IRGM: variants seen among roughly 807,000 people sequenced by gnomAD.
IRGM encodes the protein immunity-related GTPase family M protein.
For missense variants in IRGM, 288 were observed against 219.9 expected, an observed-to-expected ratio of 1.31 and a Z score of -1.96; for synonymous variants, 98 against 80.6, an observed-to-expected ratio of 1.22 and a Z score of -1.16.
chr5:150,854,380 C>T (rs1754018953), intron 1 of IRGM, among the ~76,000 whole-genome samples: 1 of 151,890 alleles, frequency 6.6e-6, no homozygotes, highest in South Asian at 2.1e-4. Flanking sequence ...TTATAATGTC[C>T]ATGTATTTGC....
intron 3 of IRGM, among the ~76,000 whole-genome samples, chr5:150,880,756 G>A (rs1754432934): frequency 6.6e-6 from 1 of 152,138 alleles, no homozygotes; most frequent in East Asian, 1.9e-4. Context: ...GTACCTCATG[G>A]AAGTTAATCA....
At chr5:150,851,072 G>GA (rs1753967911), downstream of IRGM, among the ~76,000 whole-genome samples, 2 of 152,190 alleles carry the variant, frequency 1.3e-5, no homozygotes, top group African/African-American at 4.8e-5. Flanking sequence ...ACTTGGACTG[G>GA]AAAAGAAGGA....
At chr5:150,898,023 CCAAT>C (rs775818117) in intron 3 of IRGM, 24 of 1,594,126 alleles carry the variant, frequency 1.5e-5, no homozygotes, top group Non-Finnish European at 2.0e-5. Context: ...ACCTCAGGCA[CCAAT>C]CAATTAAAAA....
chr5:150,872,762 A>G (rs1163125201), intron 1 of IRGM, among the ~76,000 whole-genome samples: 1 of 152,162 alleles, frequency 6.6e-6, no homozygotes, highest in East Asian at 1.9e-4. Context: ...ACTGTGGGTG[A>G]GCTGGAAATG....
chr5:150,870,888 T>A (rs907146777), intron 1 of IRGM, among the ~76,000 whole-genome samples: 1 of 152,064 alleles, frequency 6.6e-6, no homozygotes. Flanking sequence ...TGTTTCCCAT[T>A]GGGTTTGACC....
At chr5:150,890,641 T>C (rs1754595283) in intron 3 of IRGM, among the ~76,000 whole-genome samples, 2 of 152,044 alleles carry the variant, frequency 1.3e-5, no homozygotes, top group African/African-American at 4.8e-5. Context: ...ATTTCACAAA[T>C]GTTGATATAG....
chr5:150,878,467 C>T (rs900685131), intron 2 of IRGM, among the ~76,000 whole-genome samples: 4 of 152,084 alleles, frequency 2.6e-5, no homozygotes, highest in Admixed American at 6.6e-5. Context: ...TCCTCTCTTC[C>T]TCTCTTCCAG....
intron 3 of IRGM, among the ~76,000 whole-genome samples, chr5:150,882,256 G>A (rs947696757): frequency 6.8e-6 from 1 of 147,542 alleles, no homozygotes; most frequent in African/African-American, 2.6e-5. Flanking sequence ...ATCAATGTAT[G>A]CTGTAAAGAA....
Position 150,847,852 on chromosome 5 carries a change from G to A in IRGM, c.-272G>A. ...GGAGTCTTGCTCTGTTGCCAGGCTG[G>A]AGTGCAATGGCGTGATCTCAGCTCA... On this transcript the variant is annotated 5_prime_UTR_variant, in exon 2 of 2. The change creates a premature stop within an existing upstream ORF in the 5' untranslated region. Transcript: ENST00000522154. 2.6e-6 allele frequency: 1 copy of A among 383,462 alleles called. No individual in the cohort carries two copies. The highest frequency in any genetic ancestry group is 3.4e-5 in the South Asian group (1 of 29,546). 23.8% of individuals were successfully genotyped at this position (383,462 alleles called of 1,614,324 possible). A position where few individuals can be genotyped will look rare whatever the true frequency, so the allele number is the denominator to read the frequency against.
chr5:150,862,183 C>A (rs138215008), intron 1 of IRGM, among the ~76,000 whole-genome samples: 2 of 152,344 alleles, frequency 1.3e-5, no homozygotes, highest in African/African-American at 4.8e-5. Flanking sequence ...CAGTTCCTTG[C>A]CATGTGGCAC....
intron 3 of IRGM, among the ~76,000 whole-genome samples, chr5:150,900,161 A>G (rs1425579261): frequency 1.3e-5 from 2 of 152,148 alleles, no homozygotes; most frequent in African/African-American, 2.4e-5. Context: ...GAACTCTCTT[A>G]TCTGCAAGAT....
intron 3 of IRGM, among the ~76,000 whole-genome samples, chr5:150,883,114 C>A (rs1382941550): frequency 6.6e-6 from 1 of 151,860 alleles, no homozygotes; most frequent in East Asian, 1.9e-4. Flanking sequence ...TGCTAACAAC[C>A]AATGGATCAA....
downstream of IRGM, among the ~76,000 whole-genome samples, chr5:150,852,457 T>C (rs1266779027): frequency 2.0e-5 from 3 of 152,190 alleles, no homozygotes; most frequent in African/African-American, 4.8e-5. Context: ...TGGCTCACCT[T>C]ATTCAAAATA....
chr5:150,873,373 G>T (rs892257904), intron 1 of IRGM, among the ~76,000 whole-genome samples: 6 of 152,138 alleles, frequency 3.9e-5, no homozygotes, highest in Non-Finnish European at 7.4e-5. Context: ...GAGGAGGCCA[G>T]GTCCCCTTGA....
chr5:150,848,211 T>C lies in IRGM; in HGVS notation c.88T>C (p.Ser30Pro). The change falls in exon 2 of 2, where the codon TCC (serine) becomes CCC (proline). Residue 30 changes from serine (S) to proline (P), a missense_variant. Transcript: ENST00000522154. The stretch of plus-strand genomic sequence containing the variant: ...CATCAAGGAGACTCTGAAGATAGTG[T>C]CCAGGACACCAGTTAACATCACTAT... ...SNIKETLKIV[S>P]RTPVNITMAG... 6.4e-7 allele frequency: 1 copy of C among 1,551,792 alleles called. No homozygotes were observed. The highest frequency in any genetic ancestry group is 8.7e-7 in the Non-Finnish European group (1 of 1,146,964).
At chr5:150,876,135 C>A (rs981614007) in intron 1 of IRGM, among the ~76,000 whole-genome samples, 1 of 152,148 alleles carries the variant, frequency 6.6e-6, no homozygotes, top group Non-Finnish European at 1.5e-5. Context: ...AGGTGGAATG[C>A]CCTTTTGAAG....
chr5:150,884,573 C>T (rs1284032665), intron 3 of IRGM, among the ~76,000 whole-genome samples: 2 of 152,090 alleles, frequency 1.3e-5, no homozygotes, highest in Non-Finnish European at 2.9e-5. Context: ...CACAACCTTG[C>T]CAGCATTTGT....
chr5:150,885,967 G>C (rs1754515863), intron 3 of IRGM, among the ~76,000 whole-genome samples: 1 of 152,008 alleles, frequency 6.6e-6, no homozygotes, highest in East Asian at 1.9e-4. Flanking sequence ...GGTGAGAGAG[G>C]GTATCCTGTC....
chr5:150,858,748 A>G (rs1392269198), intron 1 of IRGM, among the ~76,000 whole-genome samples: 1 of 152,088 alleles, frequency 6.6e-6, no homozygotes, highest in African/African-American at 2.4e-5. Flanking sequence ...GGTGTATAAG[A>G]ATGCTTGTAA....
Sources: gnomAD v4.1 joint callset for allele counts (sites outside exome capture counted in the v4.1 genomes callset) on GRCh38, gnomAD v4.1.1 for gene constraint, MANE v1.5 for transcripts, NCBI Gene and HGNC (gene_info 2026-07-23, HGNC 2026-07-21) for gene names.